The following CCDC141 variants were observed in gnomAD, a reference collection of about 807,000 sequenced individuals.
CCDC141 encodes the protein coiled-coil domain-containing protein 141.
A neutral mutation model predicts 181.0 loss-of-function variants in CCDC141; 168 were observed. The ratio of observed to expected loss-of-function variants is 0.93; its 90% CI spans 0.82 to 1.05. CCDC141 has a LOEUF of 1.05. CCDC141 is among the 50% of genes least tolerant of loss of function. CCDC141 has a pLI of 0.00. For synonymous variants in CCDC141, 666 were observed against 642.3 expected (o/e 1.04, Z -0.56); for missense variants, 1,902 against 1,788.5 (o/e 1.06, Z -1.14).
At chr2:178,978,450 T>G in intron 3 of CCDC141, 34 bp downstream of exon 3, 4 of 1,304,394 alleles carry the variant, frequency 3.1e-6, no homozygotes, top group Non-Finnish European at 4.0e-6. Context: ...TTTGCTCTGA[T>G]GTGGGGAAGG....
chr2:178,823,055 T>C, the CCDC141 span, among the ~76,000 whole-genome samples: 1 of 152,046 alleles, frequency 6.6e-6, no homozygotes, highest in African/African-American at 2.4e-5. Flanking sequence ...GCCAGTACAT[T>C]TGACTGCAGA....
intron 6 of CCDC141, among the ~76,000 whole-genome samples, chr2:178,923,206 G>A (rs1277846914): frequency 2.0e-5 from 3 of 148,752 alleles, no homozygotes; most frequent in South Asian, 2.1e-4. Context: ...CCGGGTTCAC[G>A]CCATTCTCCT....
At chr2:178,908,445 G>A (rs1688078436) in intron 7 of CCDC141, among the ~76,000 whole-genome samples, 1 of 152,130 alleles carries the variant, frequency 6.6e-6, no homozygotes, top group Admixed American at 6.5e-5. Flanking sequence ...GCCTGCGTCG[G>A]CCTCCCAAAG....
chr2:178,927,774 G>C (rs1160258831), intron 6 of CCDC141, among the ~76,000 whole-genome samples: 3 of 152,156 alleles, frequency 2.0e-5, no homozygotes, highest in Non-Finnish European at 4.4e-5. Flanking sequence ...GATAGAACCA[G>C]TGAGATCTAG....
chr2:178,923,648 C>A (rs146230542), intron 6 of CCDC141, among the ~76,000 whole-genome samples: 353 of 152,200 alleles, frequency 2.3e-3, no homozygotes, highest in African/African-American at 8.2e-3. Context: ...CTTCCATTTC[C>A]TTGGCTTTTC....
chr2:178,862,741 A>G (rs1391495261), intron 17 of CCDC141, among the ~76,000 whole-genome samples: 1 of 152,226 alleles, frequency 6.6e-6, no homozygotes, highest in Non-Finnish European at 1.5e-5. Flanking sequence ...GAAATTGGAA[A>G]AAAATGGTTT....
At chr2:179,027,722 T>C (rs2042892889) in intron 2 of CCDC141, among the ~76,000 whole-genome samples, 1 of 147,310 alleles carries the variant, frequency 6.8e-6, no homozygotes, top group African/African-American at 2.5e-5. Flanking sequence ...CTGCCATCCA[T>C]GTAAGATGTG....
rs1575168708 is a variant in CCDC141, at chr2:178,884,922, T to C, written c.1698A>G (p.Ala566=). Residue 566 remains alanine (A), a synonymous_variant, in exon 11 of 24, where the codon GCA becomes GCG. Transcript: ENST00000443758. ...YRSQVLQTYV[A]FLKSSEEVEM... ...ATACCTCCTCTGATGACTTCAGAAA[T>C]GCCACGTAAGTTTGCAGGACTTGCG... 1.3e-6 allele frequency: 2 copies of C among 1,550,366 alleles called. No individual in the cohort carries two copies. The highest frequency in any genetic ancestry group is 2.4e-5 in the East Asian group (1 of 40,924).
intron 22 of CCDC141, among the ~76,000 whole-genome samples, chr2:178,842,295 C>A (rs1165261910): frequency 6.6e-6 from 1 of 152,142 alleles, no homozygotes; most frequent in Non-Finnish European, 1.5e-5. Context: ...TCTTTTCCCA[C>A]CTTCTAAATA....
intron 2 of CCDC141, among the ~76,000 whole-genome samples, chr2:179,031,882 TG>T (rs2043010211): frequency 6.6e-6 from 1 of 152,146 alleles, no homozygotes; most frequent in South Asian, 2.1e-4. Context: ...ATACTTAGGA[TG>T]GGTTTTGAGT....
chr2:178,872,989 A>G (rs1311147935), intron 12 of CCDC141: 2 of 152,184 alleles, frequency 1.3e-5, no homozygotes, highest in Non-Finnish European at 2.9e-5. Context: ...GGGAAATTCA[A>G]TTAGAGGTAA....
intron 6 of CCDC141, among the ~76,000 whole-genome samples, chr2:178,920,339 G>A (rs915796372): frequency 1.1e-4 from 17 of 152,092 alleles, no homozygotes; most frequent in Admixed American, 1.0e-3. Flanking sequence ...TGCCATTATT[G>A]TTTCCATTCA....
intron 2 of CCDC141, 50 bp downstream of exon 2, chr2:179,047,233 GT>G: frequency 6.8e-7 from 1 of 1,463,232 alleles, no homozygotes; most frequent in South Asian, 1.5e-5. Flanking sequence ...ATAAGAAATA[GT>G]TTTTTATGTC....
At chr2:178,817,588 T>A in the CCDC141 span, 2 of 470,924 alleles carry the variant, frequency 4.2e-6, no homozygotes, top group African/African-American at 4.0e-5. Flanking sequence ...GGTCCTGATC[T>A]TCTGGACACT....
chr2:178,834,934 A>G (rs983233007), intron 23 of CCDC141, among the ~76,000 whole-genome samples: 4 of 151,856 alleles, frequency 2.6e-5, no homozygotes, highest in Non-Finnish European at 5.9e-5. Flanking sequence ...ATGTTTTTGG[A>G]AAACTGAATT....
chr2:178,908,752 G>C (rs1447573599), intron 7 of CCDC141, among the ~76,000 whole-genome samples: 1 of 152,162 alleles, frequency 6.6e-6, no homozygotes, highest in Non-Finnish European at 1.5e-5. Flanking sequence ...AGAAAGAATA[G>C]AAAATTCCAA....
chr2:178,899,582 T>G (rs976943944), intron 8 of CCDC141, among the ~76,000 whole-genome samples: 14 of 152,200 alleles, frequency 9.2e-5, no homozygotes, highest in Non-Finnish European at 1.8e-4. Context: ...ACTCAGAATG[T>G]ATGAACTAAA....
chr2:178,900,577 G>T (rs144831188), intron 8 of CCDC141, among the ~76,000 whole-genome samples: 1 of 152,048 alleles, frequency 6.6e-6, no homozygotes, highest in Admixed American at 6.6e-5. Flanking sequence ...GCAAATAAAC[G>T]TATCAGCCAT....
At chr2:178,845,783 G>C in intron 21 of CCDC141, 41 bp from the exon 22 acceptor site, 1 of 1,236,710 alleles carries the variant, frequency 8.1e-7, no homozygotes, top group Non-Finnish European at 1.2e-6. Flanking sequence ...AGCCAGGAAA[G>C]TTGGAGAACA....
Sources: gnomAD v4.1 joint callset for allele counts (sites outside exome capture counted in the v4.1 genomes callset) on GRCh38, gnomAD v4.1.1 for gene constraint, MANE v1.5 for transcripts, NCBI Gene and HGNC (gene_info 2026-07-23, HGNC 2026-07-21) for gene names.